TESC: variants seen among roughly 807,000 people sequenced by gnomAD.
TESC encodes calcineurin B homologous protein 3.
In TESC, 19 loss-of-function variants were observed where a neutral mutation model predicts 31.0. That is an observed-to-expected ratio of 0.61 (90% CI 0.43 to 0.90). TESC has a LOEUF of 0.90. TESC is among the 40% of genes least tolerant of loss of function. The pLI, the probability that TESC is intolerant of heterozygous loss-of-function variation, is 0.00. For synonymous variants in TESC, 109 were observed against 114.8 expected, an observed-to-expected ratio of 0.95 and a Z score of 0.32; for missense variants, 248 against 303.8, an observed-to-expected ratio of 0.82 and a Z score of 1.36.
chr12:117,084,930 C>G (rs1443410018), intron 1 of TESC, among the ~76,000 whole-genome samples: 2 of 152,216 alleles, frequency 1.3e-5, no homozygotes, highest in Non-Finnish European at 2.9e-5. Flanking sequence ...CTCTGAGCAC[C>G]TCTGGTTTGC....
At chr12:117,058,872 G>A (rs562180611) in intron 2 of TESC, among the ~76,000 whole-genome samples, 5 of 152,296 alleles carry the variant, frequency 3.3e-5, no homozygotes, top group Non-Finnish European at 5.9e-5. Context: ...GCAGGCAGGG[G>A]CGTCAGCCAC....
intron 1 of TESC, among the ~76,000 whole-genome samples, chr12:117,080,653 C>T (rs1384078352): frequency 1.3e-5 from 2 of 152,166 alleles, no homozygotes; most frequent in Non-Finnish European, 2.9e-5. Context: ...GGATGATTTC[C>T]GAAGCCTCAG....
Position 117,075,913 on chromosome 12 carries a change from ATGTGTGTGTG to A in TESC, c.59-583_59-574del, listed in dbSNP as rs1172157385. ...TATATATATATATATATATATATAT[ATGTGTGTGTG>A]TATATATATATATATATGTATATAT... is the stretch of plus-strand genomic sequence containing the variant. On this transcript the variant is annotated intron_variant, in intron 1 of 7. Transcript: ENST00000335209. Among the ~76,000 whole-genome samples the A allele has an allele frequency of 3.7e-3, 192 of 51,938 alleles. 5 individuals are homozygous for A. The highest frequency in any genetic ancestry group is 0.026 in the South Asian group (41 of 1,580). The allele number at this position is 51,938 out of a possible 152,430, so 34.1% of individuals were successfully genotyped here.
chr12:117,083,766 GTGGGTA>G (rs1955180017), intron 1 of TESC, among the ~76,000 whole-genome samples: 1 of 152,200 alleles, frequency 6.6e-6, no homozygotes, highest in Admixed American at 6.5e-5. Context: ...GTGACTGCCA[GTGGGTA>G]TCCTTTTGGG....
intron 2 of TESC, among the ~76,000 whole-genome samples, chr12:117,065,960 T>C (rs1225134191): frequency 6.6e-6 from 1 of 152,070 alleles, no homozygotes; most frequent in African/African-American, 2.4e-5. Context: ...GAAACCCAAG[T>C]CATCACTAGG....
intron 1 of TESC, among the ~76,000 whole-genome samples, chr12:117,078,141 G>T (rs1955098430): frequency 6.6e-6 from 1 of 152,114 alleles, no homozygotes; most frequent in South Asian, 2.1e-4. Flanking sequence ...ATTTAAAATA[G>T]CTTAAAATTC....
chr12:117,090,948 G>C (rs77964762), intron 1 of TESC, among the ~76,000 whole-genome samples: 2,621 of 152,222 alleles, frequency 0.017, 77 homozygotes, highest in African/African-American at 0.061. Flanking sequence ...TGCTGTCTCC[G>C]GCCTGGCCAC....
At chr12:117,049,327 G>C (rs1003361456) in intron 3 of TESC, among the ~76,000 whole-genome samples, 169 bp from the exon 4 acceptor site, 18 of 152,234 alleles carry the variant, frequency 1.2e-4, no homozygotes, top group African/African-American at 4.1e-4. Flanking sequence ...GGGGCTGCAG[G>C]CTCCGGAAGC....
chr12:117,039,221 CGG>C lies in TESC; in HGVS notation c.568-13_568-12del. The C allele has an allele frequency of 6.2e-7, 1 of 1,612,098 alleles. No individual in the cohort carries two copies. The highest frequency in any genetic ancestry group is 8.5e-7 in the Non-Finnish European group (1 of 1,179,102). On this transcript the variant is annotated splice_polypyrimidine_tract_variant and intron_variant, in intron 7 of 7. Coordinates refer to ENST00000335209, the MANE Select transcript of TESC (RefSeq NM_017899.4). ...GATCCCCTGCCAGATCTGGAAGGGA[CGG>C]AGCAGCGTTAAGGGCACGTTCCCGC...
At chr12:117,084,523 T>C (rs1335465332) in intron 1 of TESC, among the ~76,000 whole-genome samples, 1 of 152,210 alleles carries the variant, frequency 6.6e-6, no homozygotes, top group Non-Finnish European at 1.5e-5. Context: ...GTAAGCGCAT[T>C]GCCTGCCTGG....
intron 1 of TESC, among the ~76,000 whole-genome samples, chr12:117,082,860 C>T (rs574419989): frequency 5.4e-4 from 82 of 152,192 alleles, no homozygotes; most frequent in African/African-American, 1.9e-3. Context: ...CTGCAATTTA[C>T]GGAGATTACT....
intron 1 of TESC, 79 bp downstream of exon 1, chr12:117,099,143 CGCG>C: frequency 7.2e-7 from 1 of 1,394,438 alleles, no homozygotes; most frequent in Non-Finnish European, 9.3e-7. Flanking sequence ...GGTCACACAG[CGCG>C]GCGGCGGGCC....
intron 6 of TESC, among the ~76,000 whole-genome samples, chr12:117,043,990 C>T (rs1386046892): frequency 6.6e-6 from 1 of 152,062 alleles, no homozygotes; most frequent in African/African-American, 2.4e-5. Context: ...TCACATCTGT[C>T]ATCCCAGCAC....
intron 2 of TESC, among the ~76,000 whole-genome samples, chr12:117,061,028 C>G (rs1488102200): frequency 6.6e-6 from 1 of 152,202 alleles, no homozygotes; most frequent in East Asian, 1.9e-4. Context: ...CACTTGGGCT[C>G]TACCCTACTC....
intron 7 of TESC, among the ~76,000 whole-genome samples, chr12:117,039,925 G>A (rs760941375): frequency 2.7e-4 from 41 of 152,232 alleles, no homozygotes; most frequent in South Asian, 4.1e-4. Flanking sequence ...GGCTATGCCC[G>A]CCAGCGCCTT....
intron 1 of TESC, among the ~76,000 whole-genome samples, chr12:117,080,450 G>A (rs1865917763): frequency 6.6e-6 from 1 of 151,816 alleles, no homozygotes. Flanking sequence ...CCTGGGTGAT[G>A]GAAAAAAAAA....
intron 2 of TESC, among the ~76,000 whole-genome samples, chr12:117,069,252 T>C (rs920250719): frequency 6.6e-6 from 1 of 152,090 alleles, no homozygotes; most frequent in Non-Finnish European, 1.5e-5. Context: ...AAATGAAATT[T>C]TTTTTGAGAC....
intron 3 of TESC, among the ~76,000 whole-genome samples, chr12:117,050,177 A>C (rs1480549802): frequency 6.6e-6 from 1 of 152,084 alleles, no homozygotes; most frequent in African/African-American, 2.4e-5. Context: ...ATGACAAGTG[A>C]AAATTACATG....
At chr12:117,073,099 TTG>T (rs1320609154) in intron 2 of TESC, among the ~76,000 whole-genome samples, 2 of 152,308 alleles carry the variant, frequency 1.3e-5, no homozygotes, top group African/African-American at 2.4e-5. Context: ...CCTGGCTGAC[TTG>T]TGTCATGCTA....
Sources: allele counts gnomAD v4.1 joint callset (sites outside exome capture counted in the v4.1 genomes callset), GRCh38; gene constraint gnomAD v4.1.1; transcripts MANE v1.5; gene names NCBI Gene and HGNC (gene_info 2026-07-23, HGNC 2026-07-21).